The following ANK3 variants were observed in gnomAD, a reference collection of about 807,000 sequenced individuals.
ANK3 encodes the protein ankyrin-3.
Under a neutral mutation model 370.9 loss-of-function variants are expected in ANK3, and 57 were observed. The ratio of observed to expected loss-of-function variants is 0.15; its 90% CI spans 0.12 to 0.19. The LOEUF is 0.19. Ranked by LOEUF, ANK3 falls within the 10% of genes least tolerant of loss-of-function variation. The pLI is 1.00. For synonymous variants in ANK3, 1,929 were observed against 1,946.3 expected, an observed-to-expected ratio of 0.99 and a Z score of 0.23; for missense variants, 4,439 against 5,302.1, an observed-to-expected ratio of 0.84 and a Z score of 5.06.
intron 1 of ANK3, among the ~76,000 whole-genome samples, chr10:60,382,805 A>C (rs965111382): frequency 3.8e-5 from 5 of 132,950 alleles, no homozygotes; most frequent in East Asian, 2.0e-4. Flanking sequence ...ATCTATATAT[A>C]TATATATATA....
At chr10:60,490,344 C>G (rs1316422694) in intron 2 of ANK3, among the ~76,000 whole-genome samples, 1 of 152,192 alleles carries the variant, frequency 6.6e-6, no homozygotes, top group African/African-American at 2.4e-5. Context: ...TTTGTTTTAA[C>G]ACACACCATG....
chr10:60,654,262 TAGAC>T (rs1490432747), intron 1 of ANK3, among the ~76,000 whole-genome samples: 1 of 152,202 alleles, frequency 6.6e-6, no homozygotes, highest in East Asian at 1.9e-4. Context: ...TGTCTACAAA[TAGAC>T]AGTTTTACTT....
chr10:60,509,995 T>C (rs754254682), intron 2 of ANK3, among the ~76,000 whole-genome samples: 3 of 152,088 alleles, frequency 2.0e-5, no homozygotes, highest in Non-Finnish European at 4.4e-5. Context: ...CCATCTCTCA[T>C]TTTTTAGAGC....
chr10:60,072,793 T>G lies in ANK3; in HGVS notation c.8088A>C (p.Ser2696=). 3 of 1,614,170 alleles carry G rather than the reference T, an allele frequency of 1.9e-6. No homozygotes were observed. The highest frequency in any genetic ancestry group is 2.5e-6 in the Non-Finnish European group (3 of 1,180,018). ...KSTVEAKGSI[S]QSKAPDGPQS... ...GGGGCCCATCTGGTGCTTTGCTCTG[T>G]GAAATACTTCCTTTGGCTTCCACTG... The change falls in exon 37 of 44, where the codon TCA becomes TCC. Residue 2696 remains serine, a synonymous_variant. Coordinates refer to ENST00000280772, the MANE Select transcript of ANK3 (RefSeq NM_020987.5).
chr10:60,151,440 G>C (rs1266837412), intron 23 of ANK3, among the ~76,000 whole-genome samples: 1 of 152,158 alleles, frequency 6.6e-6, no homozygotes, highest in Non-Finnish European at 1.5e-5. Context: ...CATTCATACT[G>C]TTGTATATAA....
At chr10:60,676,303 A>T (rs1270209255) in intron 1 of ANK3, among the ~76,000 whole-genome samples, 7 of 152,310 alleles carry the variant, frequency 4.6e-5, no homozygotes, top group Admixed American at 1.3e-4. Flanking sequence ...AAATTGGCTT[A>T]AAAGGATATA....
intron 2 of ANK3, among the ~76,000 whole-genome samples, chr10:60,409,389 T>C (rs1239253454): frequency 6.6e-6 from 1 of 152,218 alleles, no homozygotes; most frequent in Non-Finnish European, 1.5e-5. Flanking sequence ...ATATAGCTCA[T>C]GGCGGAGAAT....
chr10:60,111,472 T>A (rs1269130870), intron 26 of ANK3, among the ~76,000 whole-genome samples: 1 of 152,182 alleles, frequency 6.6e-6, no homozygotes, highest in Non-Finnish European at 1.5e-5. Context: ...GTCTTACATA[T>A]TGTGTGAAAA....
At chr10:60,184,051 G>C (rs1308187887) in intron 17 of ANK3, among the ~76,000 whole-genome samples, 5 of 152,010 alleles carry the variant, frequency 3.3e-5, no homozygotes, top group East Asian at 3.9e-4. Context: ...ATAACTTGGG[G>C]TTCATGATCA....
chr10:60,216,941 A>C (rs898652156), intron 8 of ANK3, among the ~76,000 whole-genome samples: 1 of 152,218 alleles, frequency 6.6e-6, no homozygotes, highest in African/African-American at 2.4e-5. Context: ...CCCCAATTTC[A>C]GAACTCGTTA....
chr10:60,068,976 T>C lies in ANK3; in HGVS notation c.11905A>G (p.Thr3969Ala), dbSNP rs753263187. Residue 3969 changes from threonine (T) to alanine (A), a missense_variant, in exon 37 of 44, where the codon ACC becomes GCC. Coordinates refer to ENST00000280772, the MANE Select transcript of ANK3 (RefSeq NM_020987.5). ...VTTTTTTATT[T>A]TTTTTTTTTS... ...GTGGTGGTAGTGGTGGTAGTGGTGGTGGTGGTGGCAGTGGTGGTGGTGGTA... is the reference window on the plus strand; with the variant it reads ...GTGGTGGTAGTGGTGGTAGTGGTGGCGGTGGTGGCAGTGGTGGTGGTGGTA... 6.2e-7 allele frequency: 1 copy of C among 1,613,420 alleles called. No individual in the cohort carries two copies. The highest frequency in any genetic ancestry group is 8.5e-7 in the Non-Finnish European group (1 of 1,179,904).
intron 2 of ANK3, among the ~76,000 whole-genome samples, chr10:60,603,255 C>A (rs758153976): frequency 9.2e-5 from 14 of 152,088 alleles, no homozygotes; most frequent in Non-Finnish European, 1.9e-4. Flanking sequence ...CATATGCAAA[C>A]CCCCAGCAGT....
chr10:60,264,497 T>C (rs1171021032), intron 5 of ANK3, among the ~76,000 whole-genome samples: 1 of 151,582 alleles, frequency 6.6e-6, no homozygotes, highest in Non-Finnish European at 1.5e-5. Flanking sequence ...AATACAAAAA[T>C]TGGCCGAGGG....
intron 1 of ANK3, among the ~76,000 whole-genome samples, chr10:60,313,928 G>GTTTTTTTTTTT (rs760802914): frequency 2.3e-5 from 3 of 132,124 alleles, no homozygotes; most frequent in East Asian, 2.2e-4. Flanking sequence ...TTTTGTTTTT[G>GTTTTTTTTTTT]TTTTTTTTTT....
At chr10:60,037,942 C>T (rs1373672868) in intron 43 of ANK3, among the ~76,000 whole-genome samples, 1 of 152,224 alleles carries the variant, frequency 6.6e-6, no homozygotes, top group Non-Finnish European at 1.5e-5. Flanking sequence ...TTCTCCACAA[C>T]CTTGCCAGCA....
Position 60,106,775 on chromosome 10 carries a change from G to C in ANK3, c.3174-716C>G, listed in dbSNP as rs569164758. On this transcript the variant is annotated intron_variant, in intron 27 of 43. Coordinates refer to ENST00000280772, the MANE Select transcript of ANK3 (RefSeq NM_020987.5). Reference sequence around the variant, plus strand: ...GAATGTAAAAGAATGGCTGCAAATTGAACATAGCCAATCAAGCCACGGGAA... The same window carrying C: ...GAATGTAAAAGAATGGCTGCAAATTCAACATAGCCAATCAAGCCACGGGAA... Among the ~76,000 whole-genome samples the C allele has an allele frequency of 9.2e-5, 14 of 152,190 alleles. No individual in the cohort carries two copies. The South Asian group carries it at 2.7e-3, about 29-fold the overall frequency.
In ANK3 at chr10:60,279,113, T is replaced by C. The variant is rs752424865; in HGVS notation, c.252A>G (p.Glu84=). ...GLNALHLASK[E]GHVEVVSELL... The stretch of plus-strand genomic sequence containing the variant: ...GCTCAGAAACAACCTCTACATGGCC[T>C]TCTTTGGAAGCAAGGTGGAGAGCGT... Residue 84 remains glutamate, a synonymous_variant, in exon 3 of 44, where the codon GAA becomes GAG. Transcript: ENST00000280772. The C allele has an allele frequency of 1.2e-6, 2 of 1,613,878 alleles. No homozygotes were observed. The highest frequency in any genetic ancestry group is 1.7e-6 in the Non-Finnish European group (2 of 1,179,890).
intron 2 of ANK3, among the ~76,000 whole-genome samples, chr10:60,598,348 ACTC>A (rs1196842888): frequency 2.0e-5 from 3 of 151,974 alleles, no homozygotes; most frequent in African/African-American, 7.3e-5. Context: ...CTTCTCTTTA[ACTC>A]CTCAGTTCCT....
At chr10:60,635,025 C>T (rs2078534989) in intron 1 of ANK3, among the ~76,000 whole-genome samples, 1 of 152,174 alleles carries the variant, frequency 6.6e-6, no homozygotes, top group African/African-American at 2.4e-5. Context: ...AGACCAAGAA[C>T]CCACCGGAAG....
Sources: gnomAD v4.1 joint callset for allele counts (sites outside exome capture counted in the v4.1 genomes callset) on GRCh38, gnomAD v4.1.1 for gene constraint, MANE v1.5 for transcripts, NCBI Gene and HGNC (gene_info 2026-07-23, HGNC 2026-07-21) for gene names.